EPHB1: variants seen among roughly 807,000 people sequenced by gnomAD.
EPHB1 encodes the protein ephrin type-B receptor 1.
Under a neutral mutation model 94.4 loss-of-function variants are expected in EPHB1, and 30 were observed. The ratio of observed to expected loss-of-function variants is 0.32; its 90% CI spans 0.24 to 0.43. The LOEUF (loss-of-function observed/expected upper bound fraction) is 0.43, where lower values mean the gene tolerates loss of function less well. EPHB1 is among the 20% of genes least tolerant of loss of function. The probability of loss-of-function intolerance (pLI) is 1.00; values close to 1 mark genes in which losing one functional copy is unlikely to be tolerated. For synonymous variants in EPHB1, 522 were observed against 489.1 expected (o/e 1.07, Z -0.89); for missense variants, 1,055 against 1,308.3 (o/e 0.81, Z 2.99).
chr3:135,023,521 C>A (rs1163096911), intron 3 of EPHB1, among the ~76,000 whole-genome samples: 4 of 152,218 alleles, frequency 2.6e-5, no homozygotes, highest in African/African-American at 9.6e-5. Flanking sequence ...CAGAATCGCC[C>A]CCTGTTGAGA....
At chr3:135,097,059 G>A (rs1424780937) in intron 3 of EPHB1, among the ~76,000 whole-genome samples, 1 of 135,190 alleles carries the variant, frequency 7.4e-6, no homozygotes, top group African/African-American at 2.9e-5. Context: ...TCATGCCACT[G>A]CACTCCAGCC....
chr3:135,081,737 G>A (rs1404450085), intron 3 of EPHB1, among the ~76,000 whole-genome samples: 1 of 152,118 alleles, frequency 6.6e-6, no homozygotes, highest in Non-Finnish European at 1.5e-5. Context: ...AGCCTGAGAG[G>A]AGTATAATGG....
rs75131827 is a variant in EPHB1, at chr3:135,157,352, T to C, written c.1422+3076T>C. Among the ~76,000 whole-genome samples the C allele has an allele frequency of 4.7e-3, 712 of 152,368 alleles. 6 individuals carry two copies. Among genetic ancestry groups the C allele is most frequent in the African/African-American group, 0.016 (665 of 41,578 alleles). On this transcript the variant is annotated intron_variant, in intron 6 of 15. Coordinates refer to ENST00000398015, the MANE Select transcript of EPHB1 (RefSeq NM_004441.5). ...GCCACGAGGCTCATGCCTGTATACCTTGGCTCCTTCCTCCCAAACCAGCCC... is the reference window on the plus strand; with the variant it reads ...GCCACGAGGCTCATGCCTGTATACCCTGGCTCCTTCCTCCCAAACCAGCCC...
intron 3 of EPHB1, among the ~76,000 whole-genome samples, chr3:135,031,291 C>G (rs1001186305): frequency 2.6e-5 from 4 of 152,102 alleles, no homozygotes; most frequent in Non-Finnish European, 5.9e-5. Context: ...TCTTCCTTCT[C>G]TCTCTCTCTT....
intron 14 of EPHB1, 122 bp downstream of exon 14, chr3:135,248,631 CTTATG>C: frequency 3.1e-6 from 3 of 978,890 alleles, no homozygotes; most frequent in South Asian, 3.9e-5. Context: ...CAGTGTGGGC[CTTATG>C]TTGAGGAGAG....
chr3:135,202,235 GC>G (rs1190167771), intron 12 of EPHB1, among the ~76,000 whole-genome samples: 1 of 152,086 alleles, frequency 6.6e-6, no homozygotes, highest in African/African-American at 2.4e-5. Flanking sequence ...ATATCCAACT[GC>G]CTAGTTCACA....
intron 3 of EPHB1, among the ~76,000 whole-genome samples, chr3:134,973,726 C>T (rs1934075694): frequency 6.6e-6 from 1 of 152,152 alleles, no homozygotes. Flanking sequence ...GCCACTGCAT[C>T]TGGCTTGTCT....
intron 4 of EPHB1, among the ~76,000 whole-genome samples, chr3:135,119,044 T>C (rs182766092): frequency 2.0e-5 from 3 of 152,330 alleles, no homozygotes; most frequent in East Asian, 1.9e-4. Context: ...GGCCTGATGA[T>C]GCTATCAAGA....
chr3:134,975,787 G>A (rs1387257221), intron 3 of EPHB1, among the ~76,000 whole-genome samples: 3 of 151,852 alleles, frequency 2.0e-5, no homozygotes, highest in African/African-American at 4.8e-5. Context: ...GGCAGGGGGG[G>A]AGTGAGAAAG....
chr3:135,076,261 A>ATATAT (rs1553729687), intron 3 of EPHB1, among the ~76,000 whole-genome samples: 5 of 112,570 alleles, frequency 4.4e-5, no homozygotes, highest in South Asian at 5.6e-4. Flanking sequence ...ATATATATAT[A>ATATAT]ACTCTTAAAT....
chr3:134,925,763 A>G, intron 1 of EPHB1, 53 bp from the exon 2 acceptor site: 1 of 1,476,076 alleles, frequency 6.8e-7, no homozygotes, highest in Non-Finnish European at 9.2e-7. Flanking sequence ...ACTGTATAGC[A>G]ATCCTTCTGA....
intron 3 of EPHB1, among the ~76,000 whole-genome samples, chr3:135,003,777 G>A (rs1454739350): frequency 6.6e-6 from 1 of 151,860 alleles, no homozygotes; most frequent in Admixed American, 6.6e-5. Context: ...GACTAGGATT[G>A]CAACCCCCGC....
chr3:134,807,060 C>T (rs923029876), intron 1 of EPHB1, among the ~76,000 whole-genome samples: 3 of 152,102 alleles, frequency 2.0e-5, no homozygotes, highest in South Asian at 2.1e-4. Flanking sequence ...CAAACTGAAC[C>T]GAGATGGAAT....
intron 3 of EPHB1, among the ~76,000 whole-genome samples, chr3:134,952,391 TCA>T (rs34221950): frequency 6.8e-6 from 1 of 147,846 alleles, no homozygotes; most frequent in Non-Finnish European, 1.5e-5. Context: ...ACACACACAC[TCA>T]CACACACACA....
chr3:135,150,539 A>G (rs1224262758), intron 5 of EPHB1, among the ~76,000 whole-genome samples: 4 of 152,176 alleles, frequency 2.6e-5, no homozygotes, highest in Non-Finnish European at 5.9e-5. Flanking sequence ...CTCAGCTCTT[A>G]CTTTCATTTT....
At chr3:135,075,537 C>G (rs1017709427) in intron 3 of EPHB1, among the ~76,000 whole-genome samples, 1 of 152,206 alleles carries the variant, frequency 6.6e-6, no homozygotes, top group Non-Finnish European at 1.5e-5. Flanking sequence ...TGAAATGTCT[C>G]TTTCTTCTGC....
At chr3:134,847,070 C>T (rs2036888435) in intron 1 of EPHB1, among the ~76,000 whole-genome samples, 1 of 152,026 alleles carries the variant, frequency 6.6e-6, no homozygotes, top group Non-Finnish European at 1.5e-5. Context: ...TCTGAGGGGT[C>T]AGAGGGTATG....
intron 1 of EPHB1, among the ~76,000 whole-genome samples, chr3:134,890,147 T>C (rs2037948745): frequency 6.6e-6 from 1 of 152,132 alleles, no homozygotes; most frequent in Non-Finnish European, 1.5e-5. Context: ...CCACCAGGGG[T>C]ACCCACTGAC....
chr3:134,952,165 T>G (rs1933059259), intron 3 of EPHB1, 113 bp downstream of exon 3: 2 of 1,166,708 alleles, frequency 1.7e-6, no homozygotes, highest in East Asian at 2.4e-5. Context: ...AATGGCTTAT[T>G]ATAAAGCTCT....
Sources: allele counts gnomAD v4.1 joint callset (sites outside exome capture counted in the v4.1 genomes callset), GRCh38; gene constraint gnomAD v4.1.1; transcripts MANE v1.5; gene names NCBI Gene and HGNC (gene_info 2026-07-23, HGNC 2026-07-21).